Variants in ENAH observed in about 807,000 individuals in gnomAD.
ENAH encodes the protein protein enabled homolog.
A neutral mutation model predicts 78.7 loss-of-function variants in ENAH; 23 were observed. That is an observed-to-expected ratio of 0.29 (90% CI 0.21 to 0.41). The LOEUF is 0.41. Ranked by LOEUF, ENAH falls within the 10% of genes least tolerant of loss-of-function variation. ENAH has a pLI of 1.00. For missense variants in ENAH, 544 were observed against 691.0 expected (o/e 0.79, Z 2.39); for synonymous variants, 226 against 241.0 (o/e 0.94, Z 0.58).
chr1:225,591,790 A>G lies in ENAH; in HGVS notation c.6-24376T>C, dbSNP rs868013550. ...AAAAAAAAAAAAAAAAAAAAAAAAA[A>G]GGGCTTCAAAAGTCTTTCTGAAATG... On this transcript the variant is annotated intron_variant, in intron 1 of 13. Transcript: ENST00000366843. Among the ~76,000 whole-genome samples, 45 of 147,234 alleles carry G rather than the reference A, an allele frequency of 3.1e-4. No individual in the cohort carries two copies. The Middle Eastern group carries it at 0.01, about 34-fold the overall frequency.
rs2096221546 is a variant in ENAH at position 225,491,476 on chromosome 1, T to TC, written c.*6298_*6299insG. ...TTTATTTTTAAAATGCCTTTAATCT[T>TC]TAAAAAAAAAAATAAAAGAAAAAGA... On this transcript the variant is annotated 3_prime_UTR_variant, in exon 14 of 14. Transcript: ENST00000366843. The TC allele has an allele frequency of 2.4e-5, 2 of 83,792 alleles. No individual in the cohort carries two copies. Among genetic ancestry groups the TC allele is most frequent in the Non-Finnish European group, 5.8e-5 (2 of 34,554 alleles). 5.2% of individuals were successfully genotyped at this position (83,792 alleles called of 1,614,324 possible).
chr1:225,507,467 ATAG>A (rs1359015603), intron 11 of ENAH, among the ~76,000 whole-genome samples: 1 of 152,080 alleles, frequency 6.6e-6, no homozygotes, highest in African/African-American at 2.4e-5. Flanking sequence ...TTGTGGTTAC[ATAG>A]CAGATGTCCT....
intron 4 of ENAH, among the ~76,000 whole-genome samples, chr1:225,528,287 G>C (rs1000125039): frequency 6.6e-6 from 1 of 152,136 alleles, no homozygotes; most frequent in Non-Finnish European, 1.5e-5. Flanking sequence ...AGTGTGCCTG[G>C]AGAAGAGTCT....
intron 11 of ENAH, 91 bp from the exon 12 acceptor site, chr1:225,501,161 G>T: frequency 1.1e-6 from 1 of 887,056 alleles, no homozygotes; most frequent in South Asian, 2.0e-5. Flanking sequence ...CCCAACACCA[G>T]ATTTAAATAC....
intron 1 of ENAH, among the ~76,000 whole-genome samples, chr1:225,597,314 G>GTTATTCATCAAAATAGACA (rs2096906448): frequency 1.3e-5 from 2 of 152,024 alleles, no homozygotes; most frequent in Admixed American, 6.6e-5. Flanking sequence ...CAAAATAGTC[G>GTTATTCATCAAAATAGACA]TTATTCATCA....
At chr1:225,589,769 T>C (rs991732457) in intron 1 of ENAH, among the ~76,000 whole-genome samples, 4 of 152,170 alleles carry the variant, frequency 2.6e-5, no homozygotes. Flanking sequence ...TTAATATTAA[T>C]AGTAGGCTCT....
chr1:225,556,667 T>C (rs1037036881), intron 2 of ENAH, among the ~76,000 whole-genome samples: 2 of 152,234 alleles, frequency 1.3e-5, no homozygotes, highest in African/African-American at 4.8e-5. Flanking sequence ...TCTTGATGGA[T>C]GTAAGTTCTT....
chr1:225,610,590 T>C (rs1416564842), intron 1 of ENAH, among the ~76,000 whole-genome samples: 1 of 152,158 alleles, frequency 6.6e-6, no homozygotes, highest in Non-Finnish European at 1.5e-5. Flanking sequence ...TGACTTCCAA[T>C]TTTAAAACTC....
intron 1 of ENAH, among the ~76,000 whole-genome samples, chr1:225,590,725 C>G (rs1434124226): frequency 5.3e-5 from 8 of 152,216 alleles, no homozygotes; most frequent in Admixed American, 4.6e-4. Flanking sequence ...ATTCTACCAC[C>G]CAAACATCTC....
rs923067251 is a variant in ENAH, at chr1:225,552,945, A to T, written c.349+1961T>A. 6.6e-5 allele frequency among the ~76,000 whole-genome samples: 10 copies of T among 152,248 alleles called. No homozygotes were observed. The South Asian group carries it at 8.3e-4, about 13-fold the overall frequency. The stretch of plus-strand genomic sequence containing the variant: ...CATTAATTTGAAAAGATCAAGATTT[A>T]AAAAAAGGCTGTGCACGGTGGCTCA... On this transcript the variant is annotated intron_variant, in intron 3 of 13. Transcript: ENST00000366843.
intron 1 of ENAH, among the ~76,000 whole-genome samples, chr1:225,588,625 C>T (rs753691854): frequency 2.0e-5 from 3 of 151,996 alleles, no homozygotes; most frequent in Non-Finnish European, 4.4e-5. Context: ...CTGGCCAACA[C>T]GGTGAAACGC....
At position 225,556,938 on chromosome 1, in the gene ENAH, GGTTT is replaced by G. The variant is rs1558808737; in HGVS notation, c.172-1859_172-1856del. On this transcript the variant is annotated intron_variant, in intron 2 of 13. Transcript: ENST00000366843. ...GATCCAGCACTATCACTGTGCTGCAGGTTTGCCTGCAGCACATAAATCAAGTGTC... is the reference window on the plus strand; with the variant it reads ...GATCCAGCACTATCACTGTGCTGCAGGCCTGCAGCACATAAATCAAGTGTC... Among the ~76,000 whole-genome samples the G allele has an allele frequency of 2.0e-5, 3 of 152,226 alleles. No individual in the cohort carries two copies. In the East Asian group the frequency reaches 5.8e-4, roughly 29 times the overall value.
intron 3 of ENAH, among the ~76,000 whole-genome samples, chr1:225,547,476 T>C (rs2096620719): frequency 2.0e-5 from 3 of 152,158 alleles, no homozygotes; most frequent in Admixed American, 2.0e-4. Flanking sequence ...CCTGTTTAAA[T>C]TCACCTCATT....
intron 1 of ENAH, among the ~76,000 whole-genome samples, chr1:225,614,336 G>C (rs761873174): frequency 1.1e-4 from 17 of 152,268 alleles, no homozygotes; most frequent in Admixed American, 2.6e-4. Context: ...TGGGATTACA[G>C]GTGTGAGCCA....
chr1:225,597,358 A>G (rs1454118869), intron 1 of ENAH, among the ~76,000 whole-genome samples: 1 of 152,178 alleles, frequency 6.6e-6, no homozygotes, highest in African/African-American at 2.4e-5. Context: ...GAATTGTTCT[A>G]TATTAAAAGA....
At chr1:225,500,148 G>A (rs898912231) in intron 12 of ENAH, among the ~76,000 whole-genome samples, 5 of 152,106 alleles carry the variant, frequency 3.3e-5, no homozygotes, top group Non-Finnish European at 5.9e-5. Context: ...CAATGGCCAC[G>A]TGCTCCCCTT....
At chr1:225,627,519 A>G (rs1658172574) in intron 1 of ENAH, among the ~76,000 whole-genome samples, 1 of 152,268 alleles carries the variant, frequency 6.6e-6, no homozygotes. Context: ...GCTCGAGGCC[A>G]GAATGGTCAA....
chr1:225,610,752 G>A (rs777068674), intron 1 of ENAH, among the ~76,000 whole-genome samples: 9 of 152,084 alleles, frequency 5.9e-5, no homozygotes, highest in Non-Finnish European at 8.8e-5. Flanking sequence ...CACCAATGGC[G>A]ACATTTTAAC....
intron 1 of ENAH, among the ~76,000 whole-genome samples, chr1:225,625,726 G>A (rs1321753256): frequency 6.6e-6 from 1 of 152,136 alleles, no homozygotes; most frequent in Non-Finnish European, 1.5e-5. Context: ...ATGTTGGTCA[G>A]ACTGGTCTCA....
Sources: gnomAD v4.1 joint callset for allele counts (sites outside exome capture counted in the v4.1 genomes callset) on GRCh38, gnomAD v4.1.1 for gene constraint, MANE v1.5 for transcripts, NCBI Gene and HGNC (gene_info 2026-07-23, HGNC 2026-07-21) for gene names.